EPB41L3: variants seen among roughly 807,000 people sequenced by gnomAD.
EPB41L3 encodes the protein erythrocyte membrane protein band 4.1 like 3.
In EPB41L3, 57 loss-of-function variants were observed where a neutral mutation model predicts 127.1. The observed-to-expected ratio is 0.45, with a 90% confidence interval of 0.36 to 0.56. The LOEUF is 0.56. EPB41L3 is among the 20% of genes least tolerant of loss of function. The pLI is 0.00. For missense variants in EPB41L3, 1,273 were observed against 1,372.2 expected, an observed-to-expected ratio of 0.93 and a Z score of 1.14; for synonymous variants, 572 against 549.5, an observed-to-expected ratio of 1.04 and a Z score of -0.57.
intron 1 of EPB41L3, among the ~76,000 whole-genome samples, chr18:5,498,701 A>C (rs1392561282): frequency 1.3e-5 from 2 of 152,170 alleles, no homozygotes; most frequent in Non-Finnish European, 2.9e-5. Flanking sequence ...AAAAAATCAA[A>C]TCAAAGTGGA....
intron 3 of EPB41L3, among the ~76,000 whole-genome samples, chr18:5,599,739 GA>G (rs1350076604): frequency 1.3e-5 from 2 of 152,128 alleles, no homozygotes; most frequent in African/African-American, 4.8e-5. Flanking sequence ...GAGGCTCCCA[GA>G]AGCCTAGCAG....
At chr18:5,574,012 G>A (rs2094311272) in intron 3 of EPB41L3, among the ~76,000 whole-genome samples, 1 of 151,456 alleles carries the variant, frequency 6.6e-6, no homozygotes, top group South Asian at 2.1e-4. Flanking sequence ...CCGGGTTCAA[G>A]CGATTCTCCT....
chr18:5,456,227 T>C (rs2083036527), intron 3 of EPB41L3, among the ~76,000 whole-genome samples: 1 of 152,166 alleles, frequency 6.6e-6, no homozygotes, highest in Admixed American at 6.5e-5. Context: ...AACATGAGAA[T>C]AATATTGTCA....
At chr18:5,466,954 C>T (rs757631538) in intron 3 of EPB41L3, among the ~76,000 whole-genome samples, 1 of 152,092 alleles carries the variant, frequency 6.6e-6, no homozygotes, top group Non-Finnish European at 1.5e-5. Flanking sequence ...TATAACCTGC[C>T]TTTCACGGGG....
At position 5,443,892 on chromosome 18, in the gene EPB41L3, A is replaced by G. The variant is rs1568202274; in HGVS notation, c.487-12T>C. The G allele has an allele frequency of 6.9e-6, 11 of 1,605,448 alleles. No homozygotes were observed. Among genetic ancestry groups the G allele is most frequent in the Non-Finnish European group, 9.4e-6 (11 of 1,175,844 alleles). On this transcript the variant is annotated splice_polypyrimidine_tract_variant and intron_variant, in intron 4 of 22. Coordinates refer to ENST00000341928, the MANE Select transcript of EPB41L3 (RefSeq NM_012307.5). ...GGGTCCAACCAATTCTGAAAAGGAA[A>G]TGACATTTTGAATTTGAATCAGAGG...
At chr18:5,449,788 G>A (rs960531357) in intron 3 of EPB41L3, among the ~76,000 whole-genome samples, 1 of 152,108 alleles carries the variant, frequency 6.6e-6, no homozygotes, top group East Asian at 1.9e-4. Flanking sequence ...ACGTTCCAAG[G>A]CCCCTAATGG....
At chr18:5,523,734 G>A (rs574960352) in intron 1 of EPB41L3, among the ~76,000 whole-genome samples, 5 of 152,004 alleles carry the variant, frequency 3.3e-5, no homozygotes, top group Non-Finnish European at 5.9e-5. Flanking sequence ...GTGGTGAACC[G>A]AGATTGCACC....
rs371321578 is a variant in EPB41L3 at position 5,423,368 on chromosome 18, C to T, written c.1339+10G>A. 15 of 1,591,298 alleles carry T rather than the reference C, an allele frequency of 9.4e-6. No homozygotes were observed. Among genetic ancestry groups the T allele is most frequent in the Admixed American group, 5.1e-5 (3 of 58,544 alleles). On this transcript the variant is annotated intron_variant, in intron 11 of 22. Coordinates refer to ENST00000341928, the MANE Select transcript of EPB41L3 (RefSeq NM_012307.5). Reference sequence around the variant, plus strand: ...TACTAGGTTATTAAGGGCCAGTAAGCGATGCCTACCTCCATCCAAGCTGCG... The same window carrying T: ...TACTAGGTTATTAAGGGCCAGTAAGTGATGCCTACCTCCATCCAAGCTGCG...
intron 3 of EPB41L3, among the ~76,000 whole-genome samples, chr18:5,600,941 C>T (rs1156578555): frequency 6.6e-6 from 1 of 152,130 alleles, no homozygotes; most frequent in East Asian, 1.9e-4. Flanking sequence ...TGTTAATGCT[C>T]TCATGCTGTA....
intron 1 of EPB41L3, among the ~76,000 whole-genome samples, chr18:5,619,936 T>C (rs911590254): frequency 1.3e-5 from 2 of 152,200 alleles, no homozygotes; most frequent in African/African-American, 4.8e-5. Context: ...ATTAGATCAA[T>C]GTGATCAATT....
chr18:5,397,101 G>A lies in EPB41L3; in HGVS notation c.2798C>T (p.Ala933Val). The change falls in exon 18 of 23, where the codon GCC becomes GTC. Residue 933 changes from alanine (A) to valine (V), a missense_variant. Transcript: ENST00000341928. The surrounding 1 kb of genome is among the most constrained non-coding windows in gnomAD (Gnocchi z 4.1). ...TTCCAAAGTTTCTGAAATGTGGATG[G>A]CTGCACTCTGCTCCTCTTGTCGCTC... is the stretch of plus-strand genomic sequence containing the variant. ...SRERQEEQSA[A>V]IHISETLEQK... is the part of the protein sequence containing the mutation. 6.2e-7 allele frequency: 1 copy of A among 1,613,414 alleles called. No homozygotes were observed. The highest frequency in any genetic ancestry group is 8.5e-7 in the Non-Finnish European group (1 of 1,179,770).
intron 3 of EPB41L3, among the ~76,000 whole-genome samples, chr18:5,471,047 A>G (rs993574854): frequency 2.6e-5 from 4 of 152,168 alleles, no homozygotes; most frequent in Admixed American, 1.3e-4. Context: ...AGCATCCTAC[A>G]GTAGGTGTGA....
intron 4 of EPB41L3, among the ~76,000 whole-genome samples, chr18:5,444,398 G>A (rs185500904): frequency 1.3e-3 from 202 of 152,264 alleles, no homozygotes; most frequent in Non-Finnish European, 1.5e-3. Context: ...GCATTGTCTG[G>A]AGAATTCAGG....
intron 10 of EPB41L3, among the ~76,000 whole-genome samples, 163 bp downstream of exon 10, chr18:5,424,099 T>C (rs1401695360): frequency 6.6e-6 from 1 of 152,168 alleles, no homozygotes; most frequent in Non-Finnish European, 1.5e-5. Flanking sequence ...CCTTCAAATT[T>C]AGTCTTTTTC....
At chr18:5,465,332 C>T (rs1035834585) in intron 3 of EPB41L3, among the ~76,000 whole-genome samples, 1 of 152,068 alleles carries the variant, frequency 6.6e-6, no homozygotes, top group African/African-American at 2.4e-5. Flanking sequence ...CTATTCTTTC[C>T]AGGTTAAACA....
chr18:5,470,915 G>T (rs1381323641), intron 3 of EPB41L3, among the ~76,000 whole-genome samples: 1 of 152,186 alleles, frequency 6.6e-6, no homozygotes, highest in Non-Finnish European at 1.5e-5. Flanking sequence ...AGTCTACCAT[G>T]CTGGAAAGAC....
intron 3 of EPB41L3, among the ~76,000 whole-genome samples, chr18:5,559,463 T>A (rs1598965000): frequency 6.6e-6 from 1 of 152,252 alleles, no homozygotes; most frequent in East Asian, 1.9e-4. Context: ...AGGCAGAGCG[T>A]CATAGCAGCA....
At chr18:5,461,034 T>G (rs948603965) in intron 3 of EPB41L3, among the ~76,000 whole-genome samples, 3 of 152,122 alleles carry the variant, frequency 2.0e-5, no homozygotes, top group Non-Finnish European at 4.4e-5. Context: ...TTTATTTTTT[T>G]CCCCCCTATC....
At chr18:5,563,101 G>A (rs895348505) in intron 3 of EPB41L3, among the ~76,000 whole-genome samples, 2 of 152,206 alleles carry the variant, frequency 1.3e-5, no homozygotes, top group African/African-American at 4.8e-5. Context: ...CAGAGGATGA[G>A]GGGAAGGGAT....
Sources: allele counts gnomAD v4.1 joint callset (sites outside exome capture counted in the v4.1 genomes callset), GRCh38; gene constraint gnomAD v4.1.1; non-coding constraint Gnocchi (gnomAD v3.1); transcripts MANE v1.5; gene names NCBI Gene and HGNC (gene_info 2026-07-23, HGNC 2026-07-21).